The following DYNC2LI1 variants were observed in gnomAD, a reference collection of about 807,000 sequenced individuals.
DYNC2LI1 encodes the protein cytoplasmic dynein 2 light intermediate chain 1.
In DYNC2LI1, 45 loss-of-function variants were observed where a neutral mutation model predicts 51.9. That is an observed-to-expected ratio of 0.87 (90% CI 0.68 to 1.11). The LOEUF is 1.11. Among genes scored for constraint, DYNC2LI1 ranks in the 50% most tolerant of loss-of-function variants. The pLI is 0.00. For missense variants in DYNC2LI1, 490 were observed against 417.4 expected, an observed-to-expected ratio of 1.17 and a Z score of -1.51; for synonymous variants, 130 against 137.8, an observed-to-expected ratio of 0.94 and a Z score of 0.40.
chr2:43,776,731 T>C (rs1673040376), intron 1 of DYNC2LI1, 51 bp from the exon 2 acceptor site: 1 of 809,216 alleles, frequency 1.2e-6, no homozygotes, highest in Admixed American at 2.6e-5. Context: ...GAAATAAATA[T>C]TTGAAAGAAT....
downstream of DYNC2LI1, among the ~76,000 whole-genome samples, chr2:43,813,709 GTTTTTTTTTTTTTT>G (rs1214033245): frequency 1.8e-4 from 6 of 34,068 alleles, no homozygotes; most frequent in African/African-American, 2.6e-4. Flanking sequence ...TTTTTTTTTC[GTTTTTTTTTTTTTT>G]TTTTTTTTTT....
chr2:43,791,806 C>T (rs1673807456), intron 5 of DYNC2LI1, among the ~76,000 whole-genome samples: 1 of 152,174 alleles, frequency 6.6e-6, no homozygotes, highest in African/African-American at 2.4e-5. Flanking sequence ...CATTTCCACA[C>T]ACTTTAGACA....
intron 5 of DYNC2LI1, chr2:43,794,100 GCTT>G (rs1284185194): frequency 4.2e-5 from 8 of 189,610 alleles, no homozygotes; most frequent in Non-Finnish European, 8.7e-5. Context: ...TACTGTTTTT[GCTT>G]CTTTTATTAT....
intron 1 of DYNC2LI1, 88 bp downstream of exon 1, chr2:43,774,234 T>G: frequency 1.3e-6 from 2 of 1,567,542 alleles, no homozygotes; most frequent in Non-Finnish European, 1.7e-6. Context: ...TGTTGGAAGA[T>G]TGTGGGGGTG....
chr2:43,795,848 A>T, intron 6 of DYNC2LI1, 42 bp from the exon 7 acceptor site: 2 of 1,503,534 alleles, frequency 1.3e-6, no homozygotes, highest in South Asian at 2.3e-5. Context: ...GCACCTAGCA[A>T]TAAAGAATTA....
intron 5 of DYNC2LI1, chr2:43,792,747 T>G (rs1255736110): frequency 1.3e-6 from 2 of 1,546,732 alleles, no homozygotes; most frequent in African/African-American, 2.7e-5. Flanking sequence ...ATAAATGAAA[T>G]CATTCATTAT....
At position 43,774,895 on chromosome 2, in the gene DYNC2LI1, T is replaced by C. The variant is rs957592231; in HGVS notation, c.8+749T>C. Among the ~76,000 whole-genome samples the C allele has an allele frequency of 3.9e-5, 6 of 152,328 alleles. No homozygotes were observed. In the South Asian group the frequency reaches 8.3e-4, roughly 21 times the overall value. On this transcript the variant is annotated intron_variant, in intron 1 of 12. Coordinates refer to ENST00000260605, the MANE Select transcript of DYNC2LI1 (RefSeq NM_016008.4). ...TAGGTATTTGGAAAGCAGATCCTCA[T>C]ATTTTGAAAGAATGTTGTGTAAATG...
downstream of DYNC2LI1, chr2:43,813,328 A>T (rs1198370729): frequency 1.3e-6 from 2 of 1,564,294 alleles, no homozygotes; most frequent in East Asian, 4.5e-5. Context: ...GAAAAGATTG[A>T]CAGTGTCAGG....
intron 4 of DYNC2LI1, among the ~76,000 whole-genome samples, 187 bp from the exon 5 acceptor site, chr2:43,789,446 C>A (rs1001829017): frequency 2.0e-5 from 3 of 151,978 alleles, no homozygotes; most frequent in African/African-American, 7.3e-5. Flanking sequence ...CTGAATAGTT[C>A]ATCATTTTTC....
chr2:43,805,304 G>T (rs778391464), intron 12 of DYNC2LI1, 58 bp downstream of exon 12: 38 of 1,110,744 alleles, frequency 3.4e-5, no homozygotes, highest in Non-Finnish European at 4.6e-5. Flanking sequence ...AACCTGGGGT[G>T]CCTTGGGAAT....
intron 4 of DYNC2LI1, 51 bp downstream of exon 4, chr2:43,787,301 G>A (rs779280406): frequency 1.9e-4 from 270 of 1,438,358 alleles, no homozygotes; most frequent in Middle Eastern, 3.5e-4. Flanking sequence ...GGAAAGTAAT[G>A]CTGCTGACTT....
rs557695536 is a variant in DYNC2LI1 at position 43,797,515 on chromosome 2, CTTTT to C, written c.654+741_654+744del. ...CCTTTAATGCAATAAAATATAACAA[CTTTT>C]TTTTTTTTTTTTTTTTTTTTGAGAC... On this transcript the variant is annotated intron_variant, in intron 8 of 12. Coordinates refer to ENST00000260605, the MANE Select transcript of DYNC2LI1 (RefSeq NM_016008.4). Among the ~76,000 whole-genome samples the C allele has an allele frequency of 5.0e-3, 556 of 110,678 alleles. 2 individuals are homozygous for C. Among genetic ancestry groups the C allele is most frequent in the African/African-American group, 0.019 (528 of 27,230 alleles). 72.6% of individuals were successfully genotyped at this position (110,678 alleles called of 152,430 possible).
At chr2:43,801,074 ATTT>A (rs1183122242) in intron 9 of DYNC2LI1, among the ~76,000 whole-genome samples, 157 bp downstream of exon 9, 2 of 148,294 alleles carry the variant, frequency 1.3e-5, no homozygotes, top group African/African-American at 4.9e-5. Flanking sequence ...AATTATTATT[ATTT>A]TATTTATTTT....
At chr2:43,812,798 C>T, downstream of DYNC2LI1, 2 of 288,224 alleles carry the variant, frequency 6.9e-6, no homozygotes, top group African/African-American at 2.2e-5. Flanking sequence ...CTATTTTTTT[C>T]TGTGCCTAGA....
chr2:43,775,337 C>T (rs1672961441), intron 1 of DYNC2LI1, among the ~76,000 whole-genome samples: 1 of 152,066 alleles, frequency 6.6e-6, no homozygotes. Flanking sequence ...AGGTCTTGCC[C>T]ATGGTTAGTT....
chr2:43,802,393 A>C (rs923274213), intron 10 of DYNC2LI1, among the ~76,000 whole-genome samples: 1 of 90,330 alleles, frequency 1.1e-5, no homozygotes, highest in Non-Finnish European at 2.4e-5. Context: ...TTTTTTTTGT[A>C]TTTCCCATCC....
chr2:43,819,882 C>G, the DYNC2LI1 span: 5 of 1,607,644 alleles, frequency 3.1e-6, no homozygotes, highest in Non-Finnish European at 4.3e-6. Context: ...ACAGATTATC[C>G]CAATCTAAAT....
In DYNC2LI1 at chr2:43,783,532, A is replaced by T. The variant is rs770485941; in HGVS notation, c.139A>T (p.Ile47Phe). The T allele has an allele frequency of 1.3e-6, 2 of 1,533,146 alleles. No individual in the cohort carries two copies. The highest frequency in any genetic ancestry group is 2.4e-5 in the Admixed American group (1 of 42,530). The allele number at this position is 1,533,146 out of a possible 1,614,324, so 95.0% of individuals were successfully genotyped here. ...TTTTAATTTCCAGGGAAAGACTACT[A>T]TTATTCTAAGGTGTCTTGACAGGTA... ...IGSKNGGKTT[I>F]ILRCLDRDEP... The change falls in exon 3 of 13, where the codon ATT (isoleucine) becomes TTT (phenylalanine). Residue 47 changes from isoleucine (I) to phenylalanine (F), a missense_variant. Physicochemically the swap from Ile to Phe is conservative, Grantham distance 21. Coordinates refer to ENST00000260605, the MANE Select transcript of DYNC2LI1 (RefSeq NM_016008.4).
intron 10 of DYNC2LI1, among the ~76,000 whole-genome samples, chr2:43,803,423 G>A (rs2104712537): frequency 6.6e-6 from 1 of 152,268 alleles, no homozygotes; most frequent in African/African-American, 2.4e-5. Context: ...AATTAGAAAA[G>A]ATTACATACA....
Sources: allele counts gnomAD v4.1 joint callset (sites outside exome capture counted in the v4.1 genomes callset), GRCh38; gene constraint gnomAD v4.1.1; transcripts MANE v1.5; gene names NCBI Gene and HGNC (gene_info 2026-07-23, HGNC 2026-07-21).